The following CCDC172 variants were observed in gnomAD, a reference collection of about 807,000 sequenced individuals.
CCDC172 encodes the protein coiled-coil domain containing 172.
CCDC172 carries 30 observed loss-of-function variants against 38.0 expected under a neutral mutation model. The ratio of observed to expected loss-of-function variants is 0.79; its 90% CI spans 0.59 to 1.07. The LOEUF (loss-of-function observed/expected upper bound fraction) is 1.07, where lower values mean the gene tolerates loss of function less well. CCDC172 is among the 50% of genes least tolerant of loss of function. The pLI is 0.00. For missense variants in CCDC172, 297 were observed against 290.1 expected (o/e 1.02, Z -0.17); for synonymous variants, 78 against 88.3 (o/e 0.88, Z 0.66).
intron 3 of CCDC172, among the ~76,000 whole-genome samples, chr10:116,330,864 G>A (rs1182658970): frequency 6.6e-6 from 1 of 151,892 alleles, no homozygotes; most frequent in Non-Finnish European, 1.5e-5. Context: ...TTCCTGAGTA[G>A]CTGGGACTAC....
chr10:116,361,264 C>T lies in CCDC172; in HGVS notation c.653+3326C>T, dbSNP rs921213994. Among the ~76,000 whole-genome samples, 7 of 152,066 alleles carry T rather than the reference C, an allele frequency of 4.6e-5. No individual in the cohort carries two copies. The East Asian group carries it at 5.8e-4, about 13-fold the overall frequency. ...TCTCCCAAAGTGTTAAGATTACAGG[C>T]GTGAGCCACTGCACAAACCTATTAT... On this transcript the variant is annotated intron_variant, in intron 7 of 8. Transcript: ENST00000333254.
chr10:116,352,371 C>A (rs1340903328), intron 5 of CCDC172, among the ~76,000 whole-genome samples: 1 of 152,076 alleles, frequency 6.6e-6, no homozygotes, highest in African/African-American at 2.4e-5. Flanking sequence ...CAGCAAATTA[C>A]AACTCAGAGC....
At chr10:116,347,514 A>C (rs1844881968) in intron 5 of CCDC172, among the ~76,000 whole-genome samples, 1 of 152,150 alleles carries the variant, frequency 6.6e-6, no homozygotes, top group African/African-American at 2.4e-5. Context: ...TACAGTTGGA[A>C]AAGCATATGA....
intron 7 of CCDC172, among the ~76,000 whole-genome samples, chr10:116,370,661 T>G (rs1219936922): frequency 6.6e-6 from 1 of 151,784 alleles, no homozygotes; most frequent in African/African-American, 2.4e-5. Context: ...TTTTTTTTCT[T>G]TCTCAGGGCT....
chr10:116,357,926 C>G lies in CCDC172; in HGVS notation c.641C>G (p.Thr214Arg), dbSNP rs1421159939. Residue 214 changes from threonine to arginine, a missense_variant, in exon 7 of 9, where the codon ACA becomes AGA. By Grantham distance (71) the Thr-to-Arg change is moderately conservative (BLOSUM62 -1). Coordinates refer to ENST00000333254, the MANE Select transcript of CCDC172 (RefSeq NM_198515.3). Reference sequence around the variant, plus strand: ...ATCAGTGAAAAGCCTCAAAATGATACAGAATGCTTAAGGTAAGAGTTTCCT... The same window carrying G: ...ATCAGTGAAAAGCCTCAAAATGATAGAGAATGCTTAAGGTAAGAGTTTCCT... ...IKISEKPQND[T>R]ECLRLKKELE... 1 of 1,567,454 alleles carries G rather than the reference C, an allele frequency of 6.4e-7. No homozygotes were observed. The highest frequency in any genetic ancestry group is 2.3e-5 in the East Asian group (1 of 43,020).
At chr10:116,352,483 A>G (rs1266182006) in intron 5 of CCDC172, among the ~76,000 whole-genome samples, 1 of 152,196 alleles carries the variant, frequency 6.6e-6, no homozygotes. Context: ...AAGTATACTC[A>G]AGGACATGAG....
chr10:116,355,441 T>C (rs1455707571), intron 5 of CCDC172, among the ~76,000 whole-genome samples: 1 of 152,174 alleles, frequency 6.6e-6, no homozygotes, highest in Non-Finnish European at 1.5e-5. Context: ...CTTGATGATG[T>C]TCTCACAACA....
intron 5 of CCDC172, among the ~76,000 whole-genome samples, chr10:116,348,171 G>A (rs1226125894): frequency 2.0e-5 from 3 of 151,702 alleles, no homozygotes; most frequent in African/African-American, 7.3e-5. Flanking sequence ...GAAACGGTTT[G>A]TGGCAACTCT....
chr10:116,379,201 T>A (rs951054353), intron 8 of CCDC172, 122 bp from the exon 9 acceptor site: 29 of 516,076 alleles, frequency 5.6e-5, no homozygotes, highest in African/African-American at 2.6e-4. Context: ...TATTTTTTTT[T>A]ATAAAAAATA....
At chr10:116,340,563 AT>A (rs1483334218) in intron 3 of CCDC172, among the ~76,000 whole-genome samples, 170 bp from the exon 4 acceptor site, 1 of 151,942 alleles carries the variant, frequency 6.6e-6, no homozygotes, top group Non-Finnish European at 1.5e-5. Flanking sequence ...TACTTAAAAA[AT>A]AATACAAGAT....
At chr10:116,355,438 A>G (rs1328420246) in intron 5 of CCDC172, among the ~76,000 whole-genome samples, 1 of 152,138 alleles carries the variant, frequency 6.6e-6, no homozygotes, top group African/African-American at 2.4e-5. Context: ...ACACTTGATG[A>G]TGTTCTCACA....
intron 5 of CCDC172, among the ~76,000 whole-genome samples, chr10:116,343,669 C>T (rs1844828682): frequency 6.6e-6 from 1 of 152,078 alleles, no homozygotes; most frequent in South Asian, 2.1e-4. Context: ...CATGTAAATA[C>T]AGTGCTCTTA....
rs994488725 is a variant in CCDC172, at chr10:116,325,169, G to A, written c.79+79G>A. 26 of 1,533,750 alleles carry A rather than the reference G, an allele frequency of 1.7e-5. No individual in the cohort carries two copies. The Admixed American group carries it at 4.2e-4, about 25-fold the overall frequency. On this transcript the variant is annotated intron_variant, in intron 2 of 8. Coordinates refer to ENST00000333254, the MANE Select transcript of CCDC172 (RefSeq NM_198515.3). ...CTTGGAGCAGAAGGAAATCCCGAAGGCAGTGGTCAGAGCCGTTAGGGGAGC... is the reference window on the plus strand; with the variant it reads ...CTTGGAGCAGAAGGAAATCCCGAAGACAGTGGTCAGAGCCGTTAGGGGAGC...
intron 5 of CCDC172, among the ~76,000 whole-genome samples, chr10:116,353,877 A>G (rs1844962195): frequency 6.6e-6 from 1 of 152,244 alleles, no homozygotes; most frequent in African/African-American, 2.4e-5. Context: ...TAGTGTTGGC[A>G]AGAATATGGA....
At chr10:116,326,457 A>C (rs890229823) in intron 3 of CCDC172, among the ~76,000 whole-genome samples, 1 of 152,178 alleles carries the variant, frequency 6.6e-6, no homozygotes, top group Non-Finnish European at 1.5e-5. Flanking sequence ...TCTGCTTCAA[A>C]TATAACTATT....
intron 7 of CCDC172, among the ~76,000 whole-genome samples, chr10:116,374,490 G>GTA (rs60781436): frequency 0.093 from 14,012 of 150,184 alleles, 985 homozygotes; most frequent in East Asian, 0.24. Context: ...TTTATCATAG[G>GTA]TATATATATA....
intron 8 of CCDC172, 85 bp downstream of exon 8, chr10:116,378,595 G>T: frequency 1.0e-6 from 1 of 996,806 alleles, no homozygotes; most frequent in South Asian, 1.5e-5. Flanking sequence ...ACAAATCACT[G>T]AACTAGTGTT....
At chr10:116,340,626 A>G (rs1173412480) in intron 3 of CCDC172, 108 bp from the exon 4 acceptor site, 6 of 595,536 alleles carry the variant, frequency 1.0e-5, no homozygotes, top group Non-Finnish European at 1.8e-5. Context: ...CATTTTAAAG[A>G]TTAATACAGA....
rs574976311 is a variant in CCDC172 at position 116,354,940 on chromosome 10, A to G, written c.449-2440A>G. Among the ~76,000 whole-genome samples, 36 of 152,344 alleles carry G rather than the reference A, an allele frequency of 2.4e-4. 1 individual carries two copies. In the South Asian group the frequency reaches 7.0e-3, roughly 30 times the overall value. On this transcript the variant is annotated intron_variant, in intron 5 of 8. Transcript: ENST00000333254. ...ACAAAAAAAGTTTAAGAAGTAAAAC[A>G]TAATATATTTTACAACTGTACTGTA...
Sources: gnomAD v4.1 joint callset for allele counts (sites outside exome capture counted in the v4.1 genomes callset) on GRCh38, gnomAD v4.1.1 for gene constraint, MANE v1.5 for transcripts, NCBI Gene and HGNC (gene_info 2026-07-23, HGNC 2026-07-21) for gene names.